CEP250: variants seen among roughly 807,000 people sequenced by gnomAD.
CEP250 encodes the protein centrosome-associated protein CEP250.
CEP250 carries 242 observed loss-of-function variants against 315.7 expected under a neutral mutation model. The observed-to-expected ratio is 0.77, with a 90% CI of 0.69 to 0.85. The LOEUF (loss-of-function observed/expected upper bound fraction) is 0.85, where lower values mean the gene tolerates loss of function less well. Ranked by LOEUF, CEP250 falls within the 40% of genes least tolerant of loss-of-function variation. The pLI is 0.00. For missense variants in CEP250, 2,515 were observed against 2,886.4 expected, an observed-to-expected ratio of 0.87 and a Z score of 2.95; for synonymous variants, 1,088 against 1,175.0, an observed-to-expected ratio of 0.93 and a Z score of 1.51.
Position 35,511,515 on chromosome 20 carries a change from C to G in CEP250, c.7218C>G (p.Val2406=). 1 of 1,614,146 alleles carries G rather than the reference C, an allele frequency of 6.2e-7. No individual in the cohort carries two copies. Among genetic ancestry groups the G allele is most frequent in the Non-Finnish European group, 8.5e-7 (1 of 1,180,030 alleles). Residue 2406 remains valine, a synonymous_variant, in exon 35 of 35, where the codon GTC becomes GTG. Coordinates refer to ENST00000397527, the MANE Select transcript of CEP250 (RefSeq NM_007186.6). ...LAVAQAPEAT[V]LEAETRRLDE... is the part of the protein sequence containing the mutation. ...TGGCCCAGGCCCCTGAGGCCACTGTCCTGGAGGCAGAGACCCGCAGGCTGG... is the reference window on the plus strand; with the variant it reads ...TGGCCCAGGCCCCTGAGGCCACTGTGCTGGAGGCAGAGACCCGCAGGCTGG...
intron 13 of CEP250, 131 bp from the exon 14 acceptor site, chr20:35,473,739 T>C: frequency 3.8e-6 from 4 of 1,042,680 alleles, no homozygotes. Flanking sequence ...GTCTTTGTGA[T>C]GATAAAAAAG....
intron 23 of CEP250, chr20:35,494,313 AT>A (rs1395822608): frequency 4.6e-5 from 26 of 568,706 alleles, no homozygotes; most frequent in Non-Finnish European, 7.4e-5. Context: ...TATGCAGCAT[AT>A]GTGAGGCTGG....
intron 20 of CEP250, among the ~76,000 whole-genome samples, chr20:35,486,999 T>C (rs1167863125): frequency 2.0e-5 from 3 of 152,204 alleles, no homozygotes; most frequent in Non-Finnish European, 4.4e-5. Flanking sequence ...ATCTGGGTCA[T>C]GAAAGGGCCT....
At position 35,467,662 on chromosome 20, in the gene CEP250, G is replaced by T. The variant is rs142203877; in HGVS notation, c.851+107G>T. ...TGCCAGGAACATTCCTACCATGGAG[G>T]GGGAGAAGATGTGCCCAAGGAAATC... On this transcript the variant is annotated intron_variant, in intron 9 of 34. Coordinates refer to ENST00000397527, the MANE Select transcript of CEP250 (RefSeq NM_007186.6). The T allele has an allele frequency of 6.8e-4, 890 of 1,308,762 alleles. 8 individuals are homozygous for T. In the East Asian group the frequency reaches 0.018, roughly 26 times the overall value. The allele number at this position is 1,308,762 out of a possible 1,614,324, so 81.1% of individuals were successfully genotyped here.
chr20:35,501,674 C>T (rs2064007411), intron 28 of CEP250, among the ~76,000 whole-genome samples, 171 bp from the exon 29 acceptor site: 1 of 152,130 alleles, frequency 6.6e-6, no homozygotes, highest in Admixed American at 6.5e-5. Context: ...CTGGCATCTG[C>T]CAGCTCTTGA....
In CEP250 at chr20:35,466,986, A is replaced by G. The variant is rs746986257; in HGVS notation, c.513A>G (p.Lys171=). The change falls in exon 8 of 35, where the codon AAA becomes AAG. Residue 171 remains lysine, a synonymous_variant. Transcript: ENST00000397527. ...CACAGTTCTTCAAGGGCTACCTGAA[A>G]GGGGAGCACGGTCGCCTTCTCAGTC... is the stretch of plus-strand genomic sequence containing the variant. ...MEQEFFKGYL[K]GEHGRLLSLW... 1 of 1,613,236 alleles carries G rather than the reference A, an allele frequency of 6.2e-7. No homozygotes were observed. Among genetic ancestry groups the G allele is most frequent in the Non-Finnish European group, 8.5e-7 (1 of 1,179,308 alleles).
At chr20:35,483,596 C>T (rs1010855579) in intron 20 of CEP250, among the ~76,000 whole-genome samples, 4 of 151,528 alleles carry the variant, frequency 2.6e-5, no homozygotes, top group African/African-American at 9.7e-5. Context: ...TCTCGAACTC[C>T]TGGGCTCAAG....
intron 1 of CEP250, among the ~76,000 whole-genome samples, chr20:35,455,965 G>C (rs985218792): frequency 1.3e-5 from 2 of 152,140 alleles, no homozygotes; most frequent in African/African-American, 2.4e-5. Flanking sequence ...GCGCGATCTC[G>C]GCTCACCTCA....
Position 35,478,025 on chromosome 20 carries a change from A to G in CEP250, c.2018A>G (p.Glu673Gly), listed in dbSNP as rs1426141323. ...GAGGCTCAGCTGCAGAAAGCTGAGG[A>G]GGCTGGGGCTGAGCTGCAGGCAGAT... ...HLEAQLQKAE[E>G]AGAELQADLR... is the part of the protein sequence containing the mutation. Residue 673 changes from glutamate to glycine, a missense_variant, in exon 17 of 35, where the codon GAG becomes GGG. Coordinates refer to ENST00000397527, the MANE Select transcript of CEP250 (RefSeq NM_007186.6). The G allele has an allele frequency of 1.9e-6, 3 of 1,614,022 alleles. No individual in the cohort carries two copies. The Admixed American group carries it at 5.0e-5, about 27-fold the overall frequency.
In CEP250 at chr20:35,479,363, G is replaced by A. The variant is rs762572559; in HGVS notation, c.2227G>A (p.Val743Met). ...ALVREKAALE[V>M]RLQAVERDRQ... ...AGTACGAGAGAAAGCGGCTCTAGAG[G>A]TGCGGCTGCAGGCCGTGGAGCGTGA... The change falls in exon 18 of 35, where the codon GTG (valine) becomes ATG (methionine). Residue 743 changes from valine (V) to methionine (M), a missense_variant. Transcript: ENST00000397527. 1.2e-6 allele frequency: 2 copies of A among 1,614,210 alleles called. No homozygotes were observed. Among genetic ancestry groups the A allele is most frequent in the South Asian group, 1.1e-5 (1 of 91,086 alleles).
At chr20:35,459,679 G>A (rs1414564136) in intron 2 of CEP250, among the ~76,000 whole-genome samples, 1 of 151,710 alleles carries the variant, frequency 6.6e-6, no homozygotes, top group African/African-American at 2.4e-5. Context: ...TGAAGGGTGA[G>A]GCTGGAGGAT....
intron 11 of CEP250, 31 bp downstream of exon 11, chr20:35,472,182 A>C (rs755080555): frequency 7.6e-7 from 1 of 1,308,706 alleles, no homozygotes; most frequent in Non-Finnish European, 1.1e-6. Context: ...CATGGTAACC[A>C]GGTTATGCCT....
chr20:35,498,912 C>T (rs1214429994), intron 27 of CEP250, among the ~76,000 whole-genome samples, 196 bp downstream of exon 27: 1 of 152,190 alleles, frequency 6.6e-6, no homozygotes, highest in Non-Finnish European at 1.5e-5. Flanking sequence ...CAGAGTAGGG[C>T]AGATAGTGCC....
intron 1 of CEP250, among the ~76,000 whole-genome samples, chr20:35,456,137 C>T (rs528118688): frequency 1.3e-5 from 2 of 152,328 alleles, no homozygotes; most frequent in Admixed American, 1.3e-4. Flanking sequence ...TCAGGTGATC[C>T]GCCCGCTTCG....
At chr20:35,495,789 G>A in intron 24 of CEP250, among the ~76,000 whole-genome samples, 1 of 152,074 alleles carries the variant, frequency 6.6e-6, no homozygotes, top group East Asian at 1.9e-4. Context: ...CACAGTTTGA[G>A]AAGGGACACA....
intron 20 of CEP250, among the ~76,000 whole-genome samples, chr20:35,487,091 C>G (rs376897860): frequency 4.6e-5 from 7 of 152,266 alleles, no homozygotes; most frequent in African/African-American, 1.7e-4. Context: ...TATGATTGAG[C>G]AGGTCAACTG....
chr20:35,462,501 C>T lies in CEP250; in HGVS notation c.134C>T (p.Ser45Phe), dbSNP rs774753773. 2 of 1,609,736 alleles carry T rather than the reference C, an allele frequency of 1.2e-6. No homozygotes were observed. The highest frequency in any genetic ancestry group is 1.7e-6 in the Non-Finnish European group (2 of 1,178,084). The change falls in exon 4 of 35, where the codon TCC becomes TTC. Residue 45 changes from serine to phenylalanine, a missense_variant. Coordinates refer to ENST00000397527, the MANE Select transcript of CEP250 (RefSeq NM_007186.6). ...QAASWRKLKN[S>F]QEAQQRQATL... ...GCCTCCTGGCGGAAGCTGAAGAACT[C>T]CCAGGAGGCCCAGCAGAGACAAGCA...
chr20:35,467,432 C>T lies in CEP250; in HGVS notation c.728C>T (p.Pro243Leu), dbSNP rs556165526. 1.5e-5 allele frequency: 25 copies of T among 1,614,156 alleles called. No homozygotes were observed. Among genetic ancestry groups the T allele is most frequent in the African/African-American group, 1.3e-4 (10 of 75,032 alleles). Residue 243 changes from proline to leucine, a missense_variant, in exon 9 of 35, where the codon CCG becomes CTG. Coordinates refer to ENST00000397527, the MANE Select transcript of CEP250 (RefSeq NM_007186.6). The stretch of plus-strand genomic sequence containing the variant: ...TCTGGAAGAATGGATGGGCGGGAGC[C>T]GGCCCAGCTGCTGCTGCTACTAGCC... ...NGSGRMDGREPAQLLLLLAKT... is the reference protein window; with the variant it reads ...NGSGRMDGRELAQLLLLLAKT...
chr20:35,488,843 G>T (rs1485564862), intron 20 of CEP250, among the ~76,000 whole-genome samples: 2 of 152,044 alleles, frequency 1.3e-5, no homozygotes, highest in East Asian at 1.9e-4. Context: ...TGGAGTAGGG[G>T]GGAGAAGGGC....
Sources: allele counts gnomAD v4.1 joint callset (sites outside exome capture counted in the v4.1 genomes callset), GRCh38; gene constraint gnomAD v4.1.1; transcripts MANE v1.5; gene names NCBI Gene and HGNC (gene_info 2026-07-23, HGNC 2026-07-21).